Variants in XKR6 observed in about 807,000 individuals in gnomAD.
XKR6 encodes XK related 6.
A neutral mutation model predicts 56.7 loss-of-function variants in XKR6; 22 were observed. The ratio of observed to expected loss-of-function variants is 0.39; its 90% CI spans 0.28 to 0.55. The LOEUF is 0.55. Ranked by LOEUF, XKR6 falls within the 20% of genes least tolerant of loss-of-function variation. XKR6 has a pLI of 0.66. For synonymous variants in XKR6, 524 were observed against 387.8 expected (o/e 1.35, Z -4.13); for missense variants, 852 against 889.0 (o/e 0.96, Z 0.53).
intron 2 of XKR6, among the ~76,000 whole-genome samples, chr8:10,921,807 G>A (rs1800729778): frequency 1.3e-5 from 2 of 152,184 alleles, no homozygotes; most frequent in African/African-American, 4.8e-5. Context: ...ACAGAGTGGG[G>A]AAGATTTGAA....
rs146800717 is a variant in XKR6, at chr8:11,003,182, T to G, written c.765-78352A>C. 5.8e-3 allele frequency among the ~76,000 whole-genome samples: 884 copies of G among 152,208 alleles called. 8 individuals are homozygous for G. The highest frequency in any genetic ancestry group is 0.02 in the African/African-American group (831 of 41,502). ...GAAATAATAGAGTACGTACTCTATG[T>G]CAGACACCAAGGAGGCACAGATGAA... On this transcript the variant is annotated intron_variant, in intron 1 of 2. Transcript: ENST00000416569.
chr8:11,177,837 TTC>T (rs1802739457), intron 1 of XKR6, among the ~76,000 whole-genome samples: 1 of 152,198 alleles, frequency 6.6e-6, no homozygotes, highest in African/African-American at 2.4e-5. Context: ...GAGAATACAT[TTC>T]TGTTGTTTAA....
chr8:10,971,379 C>T (rs1317065309), intron 1 of XKR6, among the ~76,000 whole-genome samples: 1 of 151,958 alleles, frequency 6.6e-6, no homozygotes, highest in Non-Finnish European at 1.5e-5. Context: ...CAAGATCGCA[C>T]CACTGCACTC....
In XKR6 at chr8:11,037,329, C is replaced by T. The variant is rs575930432; in HGVS notation, c.765-112499G>A. Among the ~76,000 whole-genome samples the T allele has an allele frequency of 2.0e-5, 3 of 152,272 alleles. No individual in the cohort carries two copies. In the South Asian group the frequency reaches 6.2e-4, roughly 32 times the overall value. On this transcript the variant is annotated intron_variant, in intron 1 of 2. Coordinates refer to ENST00000416569, the MANE Select transcript of XKR6 (RefSeq NM_173683.4). ...CAACCTTCACCTCCCGGGCTCAAGC[C>T]GTCCTCCTGCCTAGGCCTCCTGAGT...
chr8:11,183,451 A>G (rs1378782274), intron 1 of XKR6, among the ~76,000 whole-genome samples: 1 of 150,588 alleles, frequency 6.6e-6, no homozygotes, highest in Non-Finnish European at 1.5e-5. Flanking sequence ...AGATGGGACT[A>G]CAGGCATGCG....
intron 1 of XKR6, chr8:11,035,145 A>G: frequency 1.9e-6 from 1 of 528,762 alleles, no homozygotes; most frequent in South Asian, 1.4e-5. Flanking sequence ...CGAAAGACAA[A>G]CTATGACAAA....
intron 1 of XKR6, among the ~76,000 whole-genome samples, chr8:10,980,982 A>T (rs183584875): frequency 6.6e-6 from 1 of 152,290 alleles, no homozygotes; most frequent in African/African-American, 2.4e-5. Flanking sequence ...TTTCAGAAAA[A>T]AAAAAGAGAA....
intron 1 of XKR6, among the ~76,000 whole-genome samples, chr8:11,065,683 C>G (rs1432917267): frequency 6.6e-6 from 1 of 152,122 alleles, no homozygotes; most frequent in East Asian, 1.9e-4. Flanking sequence ...TCTCATTCCA[C>G]GTGAACTCCA....
chr8:11,121,264 G>C (rs1409374415), intron 1 of XKR6, among the ~76,000 whole-genome samples: 6 of 152,038 alleles, frequency 3.9e-5, no homozygotes, highest in Non-Finnish European at 8.8e-5. Flanking sequence ...TACAGAATGG[G>C]AGAAAATTTT....
At chr8:10,926,188 GA>G (rs1409896694) in intron 1 of XKR6, among the ~76,000 whole-genome samples, 1 of 152,198 alleles carries the variant, frequency 6.6e-6, no homozygotes, top group Non-Finnish European at 1.5e-5. Flanking sequence ...AGGGCTGCCG[GA>G]TGGTCTGTTC....
chr8:10,939,480 C>T (rs1207080669), intron 1 of XKR6, among the ~76,000 whole-genome samples: 2 of 152,228 alleles, frequency 1.3e-5, no homozygotes, highest in Non-Finnish European at 2.9e-5. Flanking sequence ...CCCCTGGGGA[C>T]AAGCCAGCTC....
At chr8:11,168,345 G>T (rs978675379) in intron 1 of XKR6, among the ~76,000 whole-genome samples, 6 of 152,114 alleles carry the variant, frequency 3.9e-5, no homozygotes, top group African/African-American at 1.4e-4. Flanking sequence ...AATTCAATCG[G>T]AGATATAATA....
chr8:11,138,546 T>G (rs1348631855), intron 1 of XKR6: 3 of 152,230 alleles, frequency 2.0e-5, no homozygotes, highest in Non-Finnish European at 4.4e-5. Flanking sequence ...AGATTCCTAC[T>G]AAAATAATTA....
intron 1 of XKR6, among the ~76,000 whole-genome samples, chr8:11,032,322 G>A (rs1799011598): frequency 6.6e-6 from 1 of 152,162 alleles, no homozygotes; most frequent in African/African-American, 2.4e-5. Flanking sequence ...TGCCTTCTAT[G>A]TGTTGCCCGA....
intron 1 of XKR6, chr8:11,128,869 C>A (rs1476145580): frequency 2.2e-6 from 1 of 456,870 alleles, no homozygotes; most frequent in Non-Finnish European, 4.4e-6. Flanking sequence ...TCAGCCAAGC[C>A]ACCATCATCT....
chr8:11,129,220 C>T (rs778151139), intron 1 of XKR6, among the ~76,000 whole-genome samples: 1 of 152,172 alleles, frequency 6.6e-6, no homozygotes, highest in Non-Finnish European at 1.5e-5. Context: ...TTACACGCCA[C>T]TGAATTGTTC....
chr8:11,127,292 T>C (rs1019528818), intron 1 of XKR6, among the ~76,000 whole-genome samples: 2 of 152,258 alleles, frequency 1.3e-5, no homozygotes, highest in South Asian at 2.1e-4. Flanking sequence ...CTTTCTTTTC[T>C]AATTATGTGA....
chr8:11,170,029 C>G (rs1802288106), intron 1 of XKR6, among the ~76,000 whole-genome samples: 1 of 152,090 alleles, frequency 6.6e-6, no homozygotes. Flanking sequence ...TCTGCAACTC[C>G]TAGCTGGATC....
chr8:11,157,283 A>C (rs764298200), intron 1 of XKR6, among the ~76,000 whole-genome samples: 5 of 152,180 alleles, frequency 3.3e-5, no homozygotes, highest in African/African-American at 4.8e-5. Flanking sequence ...AGGAAGACAC[A>C]AATGGAAAAA....
Sources: allele counts gnomAD v4.1 joint callset (sites outside exome capture counted in the v4.1 genomes callset), GRCh38; gene constraint gnomAD v4.1.1; transcripts MANE v1.5; gene names NCBI Gene and HGNC (gene_info 2026-07-23, HGNC 2026-07-21).